Variants in ADCY8 observed in about 807,000 individuals in gnomAD.
ADCY8 encodes adenylate cyclase 8, also known as adenylate cyclase type 8.
A neutral mutation model predicts 119.7 loss-of-function variants in ADCY8; 51 were observed. The observed-to-expected ratio is 0.43, with a 90% confidence interval of 0.34 to 0.54. The LOEUF (loss-of-function observed/expected upper bound fraction) is 0.54, where lower values mean the gene tolerates loss of function less well. Ranked by LOEUF, ADCY8 falls within the 20% of genes least tolerant of loss-of-function variation. ADCY8 has a pLI of 0.03. For synonymous variants in ADCY8, 665 were observed against 651.0 expected (o/e 1.02, Z -0.33); for missense variants, 1,383 against 1,598.8 (o/e 0.87, Z 2.30).
At chr8:130,819,539 C>A (rs1243427828) in intron 13 of ADCY8, among the ~76,000 whole-genome samples, 1 of 152,144 alleles carries the variant, frequency 6.6e-6, no homozygotes, top group Non-Finnish European at 1.5e-5. Flanking sequence ...GGAATGACGA[C>A]CCTTACCCAG....
At chr8:130,940,920 A>G (rs996344903) in intron 4 of ADCY8, among the ~76,000 whole-genome samples, 6 of 152,176 alleles carry the variant, frequency 3.9e-5, no homozygotes, top group Admixed American at 2.6e-4. Context: ...AGATGGTTAT[A>G]TTGTTCACAG....
chr8:131,018,649 C>T (rs567752060), intron 1 of ADCY8, among the ~76,000 whole-genome samples: 1 of 152,336 alleles, frequency 6.6e-6, no homozygotes, highest in East Asian at 1.9e-4. Flanking sequence ...TGTTTATGCT[C>T]ACTCCTATAT....
chr8:130,963,116 T>TC (rs201102348), intron 2 of ADCY8, among the ~76,000 whole-genome samples: 8 of 151,232 alleles, frequency 5.3e-5, no homozygotes, highest in African/African-American at 1.9e-4. Flanking sequence ...TTTCTTTCTT[T>TC]TTTTTTTTTT....
intron 4 of ADCY8, among the ~76,000 whole-genome samples, chr8:130,941,660 C>T (rs1421322187): frequency 6.6e-6 from 1 of 152,248 alleles, no homozygotes; most frequent in South Asian, 2.1e-4. Context: ...CCTCCTCCGC[C>T]CCCGTCAGTC....
At chr8:131,036,667 A>G (rs1284118480) in intron 1 of ADCY8, among the ~76,000 whole-genome samples, 1 of 152,208 alleles carries the variant, frequency 6.6e-6, no homozygotes, top group East Asian at 1.9e-4. Context: ...CAAGTCGTTT[A>G]CTAGAGAAAG....
chr8:130,804,037 T>C (rs1815866240), intron 14 of ADCY8, among the ~76,000 whole-genome samples: 1 of 152,100 alleles, frequency 6.6e-6, no homozygotes, highest in Non-Finnish European at 1.5e-5. Flanking sequence ...CTTTGAACAA[T>C]ATGGTGATGC....
At chr8:130,970,071 G>A (rs1256619445) in intron 2 of ADCY8, among the ~76,000 whole-genome samples, 1 of 152,190 alleles carries the variant, frequency 6.6e-6, no homozygotes, top group Admixed American at 6.5e-5. Flanking sequence ...AGCTATGCAT[G>A]TGCTTTCAAC....
At chr8:130,978,728 C>A (rs1822148607) in intron 2 of ADCY8, among the ~76,000 whole-genome samples, 1 of 152,098 alleles carries the variant, frequency 6.6e-6, no homozygotes, top group Non-Finnish European at 1.5e-5. Flanking sequence ...ATTTAAAAAT[C>A]TCCTCTTGTT....
At chr8:130,919,071 A>G (rs1349172571) in intron 5 of ADCY8, among the ~76,000 whole-genome samples, 2 of 152,172 alleles carry the variant, frequency 1.3e-5, no homozygotes, top group Non-Finnish European at 2.9e-5. Flanking sequence ...TCCAAAAAAG[A>G]GAAAGTGTGT....
At chr8:130,955,199 G>A (rs1026208342) in intron 2 of ADCY8, among the ~76,000 whole-genome samples, 1 of 152,178 alleles carries the variant, frequency 6.6e-6, no homozygotes, top group African/African-American at 2.4e-5. Flanking sequence ...CATCTAGTTG[G>A]CTCTGAAGCA....
intron 1 of ADCY8, among the ~76,000 whole-genome samples, chr8:131,038,748 C>T (rs918171333): frequency 2.0e-5 from 3 of 152,102 alleles, no homozygotes; most frequent in Admixed American, 1.3e-4. Context: ...GGGGTCGCAT[C>T]GTGTCATGAG....
At chr8:130,846,644 C>CCCCT (rs1554606169) in intron 11 of ADCY8, among the ~76,000 whole-genome samples, 4 of 118,032 alleles carry the variant, frequency 3.4e-5, no homozygotes, top group Non-Finnish European at 5.3e-5. Flanking sequence ...CCTTCCTTCC[C>CCCCT]TCCTTCCTTC....
intron 1 of ADCY8, among the ~76,000 whole-genome samples, chr8:131,022,128 T>TTA (rs1055406242): frequency 6.6e-6 from 1 of 152,186 alleles, no homozygotes; most frequent in African/African-American, 2.4e-5. Context: ...ATCTGTTTTT[T>TTA]TTATTATTAT....
intron 8 of ADCY8, among the ~76,000 whole-genome samples, chr8:130,878,054 A>G (rs1317328647): frequency 1.3e-5 from 2 of 152,216 alleles, no homozygotes; most frequent in African/African-American, 2.4e-5. Flanking sequence ...CTTCTGTTAT[A>G]TGAATATTGT....
At chr8:130,848,491 C>T (rs1817404099) in intron 10 of ADCY8, among the ~76,000 whole-genome samples, 1 of 152,196 alleles carries the variant, frequency 6.6e-6, no homozygotes. Flanking sequence ...TCCACAGAGC[C>T]TTCACTAGAA....
chr8:130,863,404 T>TA (rs1360048180), intron 9 of ADCY8, among the ~76,000 whole-genome samples: 1 of 150,190 alleles, frequency 6.7e-6, no homozygotes, highest in Non-Finnish European at 1.5e-5. Context: ...TTTTTTTTTT[T>TA]ATCTACTCTG....
At chr8:130,817,947 C>A (rs1414396878) in intron 13 of ADCY8, among the ~76,000 whole-genome samples, 2 of 152,152 alleles carry the variant, frequency 1.3e-5, no homozygotes, top group African/African-American at 4.8e-5. Context: ...CTGCTAACAT[C>A]ACAAAAAGAT....
intron 11 of ADCY8, among the ~76,000 whole-genome samples, chr8:130,845,312 A>G (rs1321731020): frequency 6.6e-6 from 1 of 152,208 alleles, no homozygotes; most frequent in African/African-American, 2.4e-5. Context: ...GCTTCATGTC[A>G]GATGCCATGT....
At chr8:130,917,614 G>A (rs1399806493) in intron 5 of ADCY8, among the ~76,000 whole-genome samples, 1 of 152,148 alleles carries the variant, frequency 6.6e-6, no homozygotes, top group Non-Finnish European at 1.5e-5. Context: ...GAACAATAGA[G>A]ACCAAGTCAG....
Sources: gnomAD v4.1 joint callset for allele counts (sites outside exome capture counted in the v4.1 genomes callset) on GRCh38, gnomAD v4.1.1 for gene constraint, MANE v1.5 for transcripts, NCBI Gene and HGNC (gene_info 2026-07-23, HGNC 2026-07-21) for gene names.